The following FAM117B variants were observed in gnomAD, a reference collection of about 807,000 sequenced individuals.
FAM117B encodes the protein protein FAM117B.
FAM117B carries 22 observed loss-of-function variants against 52.8 expected under a neutral mutation model. That is an observed-to-expected ratio of 0.42 (90% CI 0.30 to 0.59). FAM117B has a LOEUF of 0.59. Ranked by LOEUF, FAM117B falls within the 20% of genes least tolerant of loss-of-function variation. The pLI is 0.22. For missense variants in FAM117B, 678 were observed against 802.6 expected, an observed-to-expected ratio of 0.84 and a Z score of 1.88; for synonymous variants, 309 against 324.1, an observed-to-expected ratio of 0.95 and a Z score of 0.50.
At chr2:202,647,544 CAAG>C (rs1465357952) in intron 1 of FAM117B, among the ~76,000 whole-genome samples, 1 of 152,156 alleles carries the variant, frequency 6.6e-6, no homozygotes, top group Non-Finnish European at 1.5e-5. Context: ...GCTTGTTAAA[CAAG>C]AAGAAGCTTG....
chr2:202,729,415 T>C (rs1022775528), intron 4 of FAM117B, among the ~76,000 whole-genome samples: 2 of 152,230 alleles, frequency 1.3e-5, no homozygotes, highest in African/African-American at 2.4e-5. Context: ...TGGTGGGTTC[T>C]CTATCTAGTG....
chr2:202,720,379 A>G (rs960792755), intron 2 of FAM117B, among the ~76,000 whole-genome samples: 2 of 150,800 alleles, frequency 1.3e-5, no homozygotes, highest in African/African-American at 4.9e-5. Context: ...TTTAAACATT[A>G]GTCATATTTG....
intron 4 of FAM117B, among the ~76,000 whole-genome samples, chr2:202,735,788 G>GT (rs538584302): frequency 2.0e-4 from 30 of 151,994 alleles, no homozygotes; most frequent in South Asian, 1.0e-3. Flanking sequence ...CAGTAGTTAT[G>GT]TTTTTTTTAT....
At chr2:202,686,578 G>A (rs917287482) in intron 1 of FAM117B, among the ~76,000 whole-genome samples, 1 of 152,134 alleles carries the variant, frequency 6.6e-6, no homozygotes, top group Non-Finnish European at 1.5e-5. Flanking sequence ...TTGAGAAGCC[G>A]AGGCGGATCA....
At chr2:202,740,518 A>G (rs78888560) in intron 4 of FAM117B, among the ~76,000 whole-genome samples, 289 of 152,164 alleles carry the variant, frequency 1.9e-3, no homozygotes, top group Non-Finnish European at 3.4e-3. Context: ...TGCTTATTTT[A>G]TAGTTTATGG....
chr2:202,766,114 T>TCA lies in FAM117B; in HGVS notation c.*351_*352insAC. The TCA allele has an allele frequency of 6.0e-6, 1 of 167,716 alleles. No homozygotes were observed. Among genetic ancestry groups the TCA allele is most frequent in the South Asian group, 1.7e-4 (1 of 5,898 alleles). The allele number at this position is 167,716 out of a possible 1,614,324, so 10.4% of individuals were successfully genotyped here. ...CACACACACACACACACACCCCTGA[T>TCA]CCTTGCCAACATGATTCCTAAAGGG... On this transcript the variant is annotated 3_prime_UTR_variant, in exon 8 of 8. Transcript: ENST00000392238.
intron 1 of FAM117B, among the ~76,000 whole-genome samples, chr2:202,651,309 A>ATCTCAGCC (rs1477349910): frequency 6.7e-6 from 1 of 150,060 alleles, no homozygotes; most frequent in African/African-American, 2.5e-5. Context: ...TGATCTGCCT[A>ATCTCAGCC]TCTCAGCCTC....
rs1029915364 is a variant in FAM117B at position 202,635,092 on chromosome 2, T to TG, written c.-90dup. 27 of 1,235,892 alleles carry TG rather than the reference T, an allele frequency of 2.2e-5. No homozygotes were observed. Among genetic ancestry groups the TG allele is most frequent in the Admixed American group, 4.3e-5 (1 of 23,420 alleles). The allele number at this position is 1,235,892 out of a possible 1,614,324, so 76.6% of individuals were successfully genotyped here. The stretch of plus-strand genomic sequence containing the variant: ...GGAGTCCGGCTTCGTCACCCCGTCT[T>TG]GGGGGGCCTGCCCTCCGGCCTCGAG... On this transcript the variant is annotated 5_prime_UTR_variant, in exon 1 of 8. Transcript: ENST00000392238.
chr2:202,722,113 C>T (rs555788134), intron 2 of FAM117B, among the ~76,000 whole-genome samples: 26 of 149,846 alleles, frequency 1.7e-4, no homozygotes, highest in African/African-American at 5.9e-4. Context: ...CAAGTTCAAG[C>T]GATTCTCCTG....
chr2:202,752,657 G>A (rs1691743897), intron 4 of FAM117B, among the ~76,000 whole-genome samples: 1 of 152,100 alleles, frequency 6.6e-6, no homozygotes, highest in Non-Finnish European at 1.5e-5. Context: ...ATGAAGGATA[G>A]GTTAATCACA....
At position 202,656,468 on chromosome 2, in the gene FAM117B, G is replaced by A. The variant is rs114241297; in HGVS notation, c.601+20680G>A. On this transcript the variant is annotated intron_variant, in intron 1 of 7. Coordinates refer to ENST00000392238, the MANE Select transcript of FAM117B (RefSeq NM_173511.4). ...CTTGAGGCTTGTTCTTTGACCCACA[G>A]ATTACTTAGAAGGGTTTTATTCAGT... 8.8e-3 allele frequency among the ~76,000 whole-genome samples: 1,339 copies of A among 152,266 alleles called. 21 individuals are homozygous for A. Among genetic ancestry groups the A allele is most frequent in the African/African-American group, 0.03 (1,244 of 41,550 alleles).
intron 2 of FAM117B, among the ~76,000 whole-genome samples, chr2:202,721,041 G>A (rs1020762574): frequency 1.3e-5 from 2 of 152,038 alleles, no homozygotes; most frequent in Non-Finnish European, 2.9e-5. Context: ...CTGCAACCTT[G>A]TATTTCACTT....
At chr2:202,707,893 G>A (rs370735976) in intron 2 of FAM117B, among the ~76,000 whole-genome samples, 158 of 151,462 alleles carry the variant, frequency 1.0e-3, no homozygotes, top group African/African-American at 3.2e-3. Context: ...TCAGCCTCCC[G>A]AGTAGCTGAG....
chr2:202,679,936 G>A (rs1283239593), intron 1 of FAM117B, among the ~76,000 whole-genome samples: 1 of 151,914 alleles, frequency 6.6e-6, no homozygotes, highest in Non-Finnish European at 1.5e-5. Context: ...TTTAAAACTG[G>A]CATTATAAAT....
rs190349594 is a variant in FAM117B, at chr2:202,690,783, C to T, written c.602-5098C>T. On this transcript the variant is annotated intron_variant, in intron 1 of 7. Coordinates refer to ENST00000392238, the MANE Select transcript of FAM117B (RefSeq NM_173511.4). The stretch of plus-strand genomic sequence containing the variant: ...GTCTTGTTAGCTGTCAGTTTCTTAC[C>T]GTGGATTTCCTTATAAATACAGCCT... 1.9e-3 allele frequency among the ~76,000 whole-genome samples: 282 copies of T among 152,154 alleles called. 1 individual carries two copies. Among genetic ancestry groups the T allele is most frequent in the African/African-American group, 6.4e-3 (266 of 41,502 alleles).
At chr2:202,646,215 T>C (rs1689860593) in intron 1 of FAM117B, among the ~76,000 whole-genome samples, 1 of 152,016 alleles carries the variant, frequency 6.6e-6, no homozygotes, top group African/African-American at 2.4e-5. Context: ...TTCACCATGT[T>C]GGCCAGGCTG....
chr2:202,715,705 C>T (rs866577392), intron 2 of FAM117B, among the ~76,000 whole-genome samples: 6 of 152,220 alleles, frequency 3.9e-5, no homozygotes, highest in African/African-American at 7.2e-5. Context: ...GCTGCAATCT[C>T]GGCACTTTGG....
chr2:202,719,782 C>A (rs80240529), intron 2 of FAM117B, among the ~76,000 whole-genome samples: 1 of 152,140 alleles, frequency 6.6e-6, no homozygotes, highest in East Asian at 1.9e-4. Context: ...CATGTCATTT[C>A]TCTTCAATAT....
At chr2:202,656,400 T>A (rs983523652) in intron 1 of FAM117B, among the ~76,000 whole-genome samples, 2 of 152,170 alleles carry the variant, frequency 1.3e-5, no homozygotes, top group Non-Finnish European at 2.9e-5. Context: ...AAGTTTGATA[T>A]GTATTTTCAT....
Sources: gnomAD v4.1 joint callset for allele counts (sites outside exome capture counted in the v4.1 genomes callset) on GRCh38, gnomAD v4.1.1 for gene constraint, MANE v1.5 for transcripts, NCBI Gene and HGNC (gene_info 2026-07-23, HGNC 2026-07-21) for gene names.